The following PTPRT variants were observed in gnomAD, a reference collection of about 807,000 sequenced individuals.
PTPRT encodes the protein receptor-type tyrosine-protein phosphatase T.
A neutral mutation model predicts 176.8 loss-of-function variants in PTPRT; 56 were observed. The observed-to-expected ratio is 0.32, with a 90% CI of 0.26 to 0.40. The LOEUF (loss-of-function observed/expected upper bound fraction) is 0.40, where lower values mean the gene tolerates loss of function less well. Among genes scored for constraint, PTPRT ranks in the 10% least tolerant of loss-of-function variants. The pLI, the probability that PTPRT is intolerant of heterozygous loss-of-function variation, is 1.00. For synonymous variants in PTPRT, 783 were observed against 739.0 expected (o/e 1.06, Z -0.96); for missense variants, 1,540 against 1,908.2 (o/e 0.81, Z 3.60).
rs139940613 is a variant in PTPRT, at chr20:42,669,813, CAG to C, written c.1153+8051_1153+8052del. ...AGAGACCACCTGAGGCTGCTTATTGCAGAGAGTCTGGATTCACTTCCAATCCC... is the reference window on the plus strand; with the variant it reads ...AGAGACCACCTGAGGCTGCTTATTGCAGAGTCTGGATTCACTTCCAATCCC... On this transcript the variant is annotated intron_variant, in intron 7 of 30. Transcript: ENST00000373187. 9.2e-3 allele frequency among the ~76,000 whole-genome samples: 1,404 copies of C among 152,252 alleles called. 24 individuals are homozygous for C. Among genetic ancestry groups the C allele is most frequent in the African/African-American group, 0.032 (1,350 of 41,546 alleles).
chr20:42,543,220 T>C (rs1010946642), intron 7 of PTPRT, among the ~76,000 whole-genome samples: 7 of 152,214 alleles, frequency 4.6e-5, no homozygotes, highest in Non-Finnish European at 8.8e-5. Context: ...TTTACCCAAA[T>C]GTAGAACTTC....
chr20:43,071,371 T>G (rs565450255), intron 1 of PTPRT, among the ~76,000 whole-genome samples: 1 of 152,338 alleles, frequency 6.6e-6, no homozygotes, highest in Non-Finnish European at 1.5e-5. Flanking sequence ...GAACAAGCTC[T>G]CCAGGTGCTT....
At chr20:42,685,948 G>A (rs1399330904) in intron 6 of PTPRT, 2 of 152,138 alleles carry the variant, frequency 1.3e-5, no homozygotes, top group Non-Finnish European at 2.9e-5. Context: ...TGCCCAGGTA[G>A]CAGGAGTCAA....
At chr20:42,939,505 A>AC (rs1313675508) in intron 1 of PTPRT, among the ~76,000 whole-genome samples, 2 of 152,048 alleles carry the variant, frequency 1.3e-5, no homozygotes, top group African/African-American at 2.4e-5. Context: ...CTCTGTACCC[A>AC]CTGTCTCATT....
chr20:42,813,634 A>G (rs927031735), intron 2 of PTPRT, among the ~76,000 whole-genome samples: 4 of 152,028 alleles, frequency 2.6e-5, no homozygotes, highest in Non-Finnish European at 5.9e-5. Flanking sequence ...TCTTCCTACC[A>G]TATCAGGGAA....
intron 1 of PTPRT, among the ~76,000 whole-genome samples, chr20:42,897,264 G>A (rs773129019): frequency 4.6e-5 from 7 of 152,208 alleles, no homozygotes; most frequent in East Asian, 1.9e-4. Context: ...CTGATGGCTC[G>A]AGCATTCCCC....
chr20:42,632,669 C>T (rs2074437947), intron 7 of PTPRT, among the ~76,000 whole-genome samples: 1 of 149,154 alleles, frequency 6.7e-6, no homozygotes, highest in East Asian at 1.9e-4. Context: ...ACTAATTTTA[C>T]TATATTTTAC....
intron 12 of PTPRT, 133 bp from the exon 13 acceptor site, chr20:42,282,658 C>T (rs983511568): frequency 1.2e-5 from 9 of 726,316 alleles, no homozygotes; most frequent in Middle Eastern, 3.8e-4. Flanking sequence ...TTTAAATTTG[C>T]CCTTTCCATT....
chr20:43,086,928 G>C (rs1354461650), intron 1 of PTPRT, among the ~76,000 whole-genome samples: 2 of 152,170 alleles, frequency 1.3e-5, no homozygotes, highest in East Asian at 3.8e-4. Flanking sequence ...ATTGGATACA[G>C]CAAAATTCAC....
At chr20:42,560,491 G>A (rs1057485747) in intron 7 of PTPRT, among the ~76,000 whole-genome samples, 6 of 152,134 alleles carry the variant, frequency 3.9e-5, no homozygotes, top group South Asian at 4.1e-4. Context: ...TAGCACACTC[G>A]CCAGGTTGTG....
chr20:42,215,623 G>A (rs945847755), intron 15 of PTPRT, among the ~76,000 whole-genome samples: 13 of 90,024 alleles, frequency 1.4e-4, no homozygotes, highest in Admixed American at 3.2e-4. Flanking sequence ...CTGCTCATAC[G>A]ACCCGAAACC....
intron 1 of PTPRT, among the ~76,000 whole-genome samples, chr20:43,128,608 T>C (rs1415100850): frequency 6.6e-6 from 1 of 151,918 alleles, no homozygotes; most frequent in African/African-American, 2.4e-5. Flanking sequence ...TGAGAAGAGG[T>C]TTCCTAATAT....
chr20:42,829,345 G>A (rs753167741), intron 2 of PTPRT, among the ~76,000 whole-genome samples: 4 of 152,180 alleles, frequency 2.6e-5, no homozygotes, highest in African/African-American at 7.2e-5. Flanking sequence ...GCTCATAGGT[G>A]GAAGGGACTC....
intron 6 of PTPRT, among the ~76,000 whole-genome samples, chr20:42,745,168 G>A (rs1227791194): frequency 6.6e-6 from 1 of 152,210 alleles, no homozygotes; most frequent in Non-Finnish European, 1.5e-5. Flanking sequence ...CAATTTTCCA[G>A]AAAGGGATTC....
At chr20:42,365,445 A>G (rs925703710) in intron 9 of PTPRT, among the ~76,000 whole-genome samples, 1 of 152,092 alleles carries the variant, frequency 6.6e-6, no homozygotes, top group Admixed American at 6.5e-5. Context: ...CGTATTATGC[A>G]TATGTGTATG....
At chr20:42,496,567 T>C (rs1445846389) in intron 7 of PTPRT, among the ~76,000 whole-genome samples, 4 of 152,136 alleles carry the variant, frequency 2.6e-5, no homozygotes, top group Non-Finnish European at 4.4e-5. Context: ...TTAATTCTTA[T>C]GATCTTGTGA....
intron 7 of PTPRT, among the ~76,000 whole-genome samples, chr20:42,653,147 G>C (rs781518536): frequency 1.3e-5 from 2 of 152,178 alleles, no homozygotes; most frequent in Non-Finnish European, 2.9e-5. Flanking sequence ...CCATGCTGCT[G>C]TTCTCATGGT....
chr20:42,891,974 A>G (rs1185529085), intron 1 of PTPRT, among the ~76,000 whole-genome samples: 2 of 152,260 alleles, frequency 1.3e-5, no homozygotes, highest in Admixed American at 1.3e-4. Context: ...CAGTGCAAAA[A>G]TATGTAAATA....
At chr20:42,969,417 G>C (rs932591945) in intron 1 of PTPRT, 1 of 152,188 alleles carries the variant, frequency 6.6e-6, no homozygotes, top group African/African-American at 2.4e-5. Flanking sequence ...CCAAAGTCCA[G>C]CCAGTACCAC....
Sources: allele counts gnomAD v4.1 joint callset (sites outside exome capture counted in the v4.1 genomes callset), GRCh38; gene constraint gnomAD v4.1.1; transcripts MANE v1.5; gene names NCBI Gene and HGNC (gene_info 2026-07-23, HGNC 2026-07-21).